Variants in TMCO1 observed in about 807,000 individuals in gnomAD.
TMCO1 encodes the protein transmembrane and coiled-coil domains 1, also known as calcium load-activated calcium channel.
A neutral mutation model predicts 29.3 loss-of-function variants in TMCO1; 29 were observed. The observed-to-expected ratio is 0.99, with a 90% CI of 0.74 to 1.35. TMCO1 has a LOEUF of 1.35. Among genes scored for constraint, TMCO1 ranks in the 40% most tolerant of loss-of-function variants. The pLI is 0.00. For synonymous variants in TMCO1, 80 were observed against 77.1 expected (o/e 1.04, Z -0.20); for missense variants, 173 against 225.5 (o/e 0.77, Z 1.49).
At chr1:165,767,901 T>C (rs149053224) in intron 2 of TMCO1, among the ~76,000 whole-genome samples, 1 of 152,252 alleles carries the variant, frequency 6.6e-6, no homozygotes, top group Admixed American at 6.5e-5. Context: ...GTCAAACCCC[T>C]AAGTTCAGTC....
intron 6 of TMCO1, among the ~76,000 whole-genome samples, chr1:165,740,988 T>C (rs76583875): frequency 0.037 from 5,586 of 152,288 alleles, 322 homozygotes; most frequent in African/African-American, 0.13. Context: ...GGCAGCTCTA[T>C]TACAGAGACC....
At chr1:165,761,602 G>A (rs1652408034) in intron 2 of TMCO1, among the ~76,000 whole-genome samples, 1 of 151,966 alleles carries the variant, frequency 6.6e-6, no homozygotes, top group Admixed American at 6.6e-5. Flanking sequence ...GAACATACTA[G>A]TGAGAGATCA....
At chr1:165,732,395 A>AAC (rs1651197156) in intron 6 of TMCO1, among the ~76,000 whole-genome samples, 1 of 151,000 alleles carries the variant, frequency 6.6e-6, no homozygotes, top group Admixed American at 6.6e-5. Context: ...AAGCAAAAAA[A>AAC]AAAAAAAAAA....
At chr1:165,725,002 CTCTCTCTCTCTCTCTCTCTCTCTA>C (rs1010691210), downstream of TMCO1, 3 of 231,178 alleles carry the variant, frequency 1.3e-5, no homozygotes, top group African/African-American at 4.2e-5. Flanking sequence ...CTCTCTCTCT[CTCTCTCTCTCTCTCTCTCTCTCTA>C]TATATATATA....
Position 165,727,100 on chromosome 1 carries a change from T to G in TMCO1, c.*923A>C, listed in dbSNP as rs1419538427. On this transcript the variant is annotated 3_prime_UTR_variant, in exon 7 of 7. Transcript: ENST00000367881. The stretch of plus-strand genomic sequence containing the variant: ...GGGGAGGATCATGGTACAAACATCC[T>G]TCTCCCTTATGAAGGGGCATGGCAG... 1 of 453,976 alleles carries G rather than the reference T, an allele frequency of 2.2e-6. No individual in the cohort carries two copies. The highest frequency in any genetic ancestry group is 2.0e-5 in the African/African-American group (1 of 50,002). 28.1% of individuals were successfully genotyped at this position (453,976 alleles called of 1,614,324 possible).
intron 2 of TMCO1, among the ~76,000 whole-genome samples, chr1:165,765,210 TA>T (rs1336970889): frequency 9.9e-5 from 15 of 152,100 alleles, no homozygotes; most frequent in Admixed American, 9.2e-4. Flanking sequence ...TAGAAAGTAA[TA>T]AAAGCAACAG....
intron 2 of TMCO1, among the ~76,000 whole-genome samples, chr1:165,763,105 A>T (rs1268516697): frequency 6.6e-6 from 1 of 152,172 alleles, no homozygotes; most frequent in Admixed American, 6.5e-5. Context: ...AGATCAGCAC[A>T]AGCAAAGTAA....
intron 5 of TMCO1, among the ~76,000 whole-genome samples, chr1:165,749,874 C>A (rs1256232212): frequency 6.6e-6 from 1 of 151,570 alleles, no homozygotes; most frequent in South Asian, 2.1e-4. Context: ...AGGCAGGGAG[C>A]AAGTGGAGGG....
chr1:165,725,497 T>G (rs1650837010), downstream of TMCO1: 1 of 454,030 alleles, frequency 2.2e-6, no homozygotes, highest in Non-Finnish European at 4.4e-6. Context: ...TTTACTACTT[T>G]AGCATATTAT....
In TMCO1 at chr1:165,768,841, C is replaced by A. The variant is rs75840847; in HGVS notation, c.-90G>T. On this transcript the variant is annotated 5_prime_UTR_variant, in exon 1 of 7. Transcript: ENST00000367881. ...AAGCGAAAACGGCTTCCGTAGACTC[C>A]GCCACCACCGAGTAACAGACCAACT... 1.9e-5 allele frequency: 30 copies of A among 1,587,678 alleles called. No homozygotes were observed. Among genetic ancestry groups the A allele is most frequent in the Non-Finnish European group, 2.4e-5 (28 of 1,166,270 alleles).
chr1:165,726,100 T>C (rs1203192235), downstream of TMCO1: 1 of 697,178 alleles, frequency 1.4e-6, no homozygotes, highest in Non-Finnish European at 2.6e-6. Flanking sequence ...GAGGATGGTT[T>C]CATGTTTTAT....
At chr1:165,764,763 T>C (rs1335551905) in intron 2 of TMCO1, among the ~76,000 whole-genome samples, 2 of 152,126 alleles carry the variant, frequency 1.3e-5, no homozygotes, top group South Asian at 2.1e-4. Context: ...GTGAAGAAAT[T>C]GAAAGGTTTT....
rs1652414898 is a variant in TMCO1, at chr1:165,761,788, A to G, written c.149-2204T>C. Among the ~76,000 whole-genome samples, 5 of 151,602 alleles carry G rather than the reference A, an allele frequency of 3.3e-5. No homozygotes were observed. In the South Asian group the frequency reaches 1.0e-3, roughly 32 times the overall value. ...ACACGGTGAAACCTCGTCTCTACCAAAACTACAAAAATCAGCCGGCCATGG... is the reference window on the plus strand; with the variant it reads ...ACACGGTGAAACCTCGTCTCTACCAGAACTACAAAAATCAGCCGGCCATGG... On this transcript the variant is annotated intron_variant, in intron 2 of 6. Transcript: ENST00000367881.
chr1:165,727,380 T>C lies in TMCO1; in HGVS notation c.*643A>G. 2.2e-6 allele frequency: 1 copy of C among 454,120 alleles called. No homozygotes were observed. Among genetic ancestry groups the C allele is most frequent in the Non-Finnish European group, 4.4e-6 (1 of 226,800 alleles). The allele number at this position is 454,120 out of a possible 1,614,324, so 28.1% of individuals were successfully genotyped here. A position where few individuals can be genotyped will look rare whatever the true frequency, so the allele number is the denominator to read the frequency against. ...TTATTACGTTCCTTTCCACTCTTGCTTTCCAATTCCTACACCAAGACAACT... is the reference window on the plus strand; with the variant it reads ...TTATTACGTTCCTTTCCACTCTTGCCTTCCAATTCCTACACCAAGACAACT... On this transcript the variant is annotated 3_prime_UTR_variant, in exon 7 of 7. Coordinates refer to ENST00000367881, the MANE Select transcript of TMCO1 (RefSeq NM_019026.6).
chr1:165,768,787 G>A lies in TMCO1; in HGVS notation c.-36C>T, dbSNP rs1652682007. ...CGTCTCTGCACTCTCACCCGCCAGG[G>A]GGAAAGCGCTCTACAGCCAGGAAAA... On this transcript the variant is annotated 5_prime_UTR_variant, in exon 1 of 7. Coordinates refer to ENST00000367881, the MANE Select transcript of TMCO1 (RefSeq NM_019026.6). 6.2e-7 allele frequency: 1 copy of A among 1,613,854 alleles called. No homozygotes were observed. The highest frequency in any genetic ancestry group is 8.5e-7 in the Non-Finnish European group (1 of 1,179,912).
chr1:165,760,523 G>T (rs184551069), intron 2 of TMCO1, among the ~76,000 whole-genome samples: 1 of 152,126 alleles, frequency 6.6e-6, no homozygotes, highest in East Asian at 1.9e-4. Context: ...GAAATAGTGG[G>T]CCGGGTGCAG....
rs780554889 is a variant in TMCO1, at chr1:165,743,252, A to G, written c.383T>C (p.Leu128Pro). 21 of 1,613,832 alleles carry G rather than the reference A, an allele frequency of 1.3e-5. No individual in the cohort carries two copies. Among genetic ancestry groups the G allele is most frequent in the Non-Finnish European group, 1.7e-5 (20 of 1,179,952 alleles). Residue 128 changes from leucine (L) to proline (P), a missense_variant, in exon 6 of 7, where the codon CTG becomes CCG. Transcript: ENST00000367881. ...ATCTCCCAGCAGATTTCGATGAGAC[A>G]GTCCTTGGATGTAAGAAAGAGGGGT... ...PFTPLSYIQG[L>P]SHRNLLGDDT...
intron 5 of TMCO1, among the ~76,000 whole-genome samples, chr1:165,744,798 A>AC: frequency 6.6e-6 from 1 of 151,666 alleles, no homozygotes; most frequent in African/African-American, 2.4e-5. Flanking sequence ...CTCAAAAAAA[A>AC]AAAAAAAAAA....
intron 3 of TMCO1, 119 bp from the exon 4 acceptor site, chr1:165,754,393 T>C (rs1652114581): frequency 1.3e-6 from 1 of 776,512 alleles, no homozygotes. Flanking sequence ...TTTAATAAGA[T>C]GATGAAAACA....
Sources: allele counts gnomAD v4.1 joint callset (sites outside exome capture counted in the v4.1 genomes callset), GRCh38; gene constraint gnomAD v4.1.1; transcripts MANE v1.5; gene names NCBI Gene and HGNC (gene_info 2026-07-23, HGNC 2026-07-21).